Variants in PLCB1 observed in about 807,000 individuals in gnomAD.
The protein encoded by PLCB1 is 1-phosphatidylinositol 4,5-bisphosphate phosphodiesterase beta-1.
A neutral mutation model predicts 161.8 loss-of-function variants in PLCB1; 46 were observed. The observed-to-expected ratio is 0.28, with a 90% CI of 0.22 to 0.36. The LOEUF (loss-of-function observed/expected upper bound fraction) is 0.36. Among genes scored for constraint, PLCB1 ranks in the 10% least tolerant of loss-of-function variants. The probability of loss-of-function intolerance (pLI) is 1.00; values close to 1 mark genes in which losing one functional copy is unlikely to be tolerated. For missense variants in PLCB1, 1,016 were observed against 1,472.5 expected, an observed-to-expected ratio of 0.69 and a Z score of 5.07; for synonymous variants, 517 against 503.7, an observed-to-expected ratio of 1.03 and a Z score of -0.35.
chr20:8,420,899 A>C (rs952335587), intron 3 of PLCB1, among the ~76,000 whole-genome samples: 1 of 152,166 alleles, frequency 6.6e-6, no homozygotes. Flanking sequence ...AGAATTTCTT[A>C]ATCTTACTGG....
At chr20:8,325,458 G>A (rs1052406670) in intron 2 of PLCB1, among the ~76,000 whole-genome samples, 1 of 152,088 alleles carries the variant, frequency 6.6e-6, no homozygotes, top group Non-Finnish European at 1.5e-5. Flanking sequence ...TACTATGATG[G>A]GAATCCTCTG....
At chr20:8,274,104 C>A (rs887793449) in intron 2 of PLCB1, among the ~76,000 whole-genome samples, 2 of 152,032 alleles carry the variant, frequency 1.3e-5, no homozygotes, top group Non-Finnish European at 2.9e-5. Context: ...TCATGAATAA[C>A]CACTGTTAGC....
At chr20:8,881,562 T>C in intron 31 of PLCB1, 60 bp from the exon 32 acceptor site, 3 of 1,216,504 alleles carry the variant, frequency 2.5e-6, no homozygotes, top group Non-Finnish European at 3.6e-6. Context: ...AGAGTTTCTA[T>C]GGGAGTGGGT....
chr20:8,283,868 A>G (rs946699527), intron 2 of PLCB1, among the ~76,000 whole-genome samples: 1 of 152,044 alleles, frequency 6.6e-6, no homozygotes, highest in African/African-American at 2.4e-5. Context: ...TAATTTGTCT[A>G]TCTGGTTTAA....
intron 3 of PLCB1, among the ~76,000 whole-genome samples, chr20:8,575,772 GA>G (rs1353744177): frequency 6.6e-6 from 1 of 152,192 alleles, no homozygotes; most frequent in African/African-American, 2.4e-5. Flanking sequence ...TTTCCGTTTG[GA>G]TTAACATCAC....
intron 24 of PLCB1, among the ~76,000 whole-genome samples, chr20:8,757,957 A>G (rs1424511200): frequency 6.6e-6 from 1 of 152,018 alleles, no homozygotes; most frequent in Non-Finnish European, 1.5e-5. Flanking sequence ...AGCTTTGTGT[A>G]ACTATTCCTT....
At chr20:8,418,947 G>A (rs1370524705) in intron 3 of PLCB1, among the ~76,000 whole-genome samples, 1 of 152,138 alleles carries the variant, frequency 6.6e-6, no homozygotes, top group Non-Finnish European at 1.5e-5. Flanking sequence ...ACAGTCCCAA[G>A]AGAACCATTT....
chr20:8,340,843 G>T (rs1383640823), intron 2 of PLCB1, among the ~76,000 whole-genome samples: 1 of 152,128 alleles, frequency 6.6e-6, no homozygotes, highest in African/African-American at 2.4e-5. Context: ...TGGAGTCTAG[G>T]GTGCCTTTCC....
intron 31 of PLCB1, among the ~76,000 whole-genome samples, chr20:8,829,682 A>G (rs1196006802): frequency 1.3e-5 from 2 of 152,204 alleles, no homozygotes; most frequent in Non-Finnish European, 2.9e-5. Context: ...TGGATTTTTC[A>G]TTGATGTGTC....
At chr20:8,720,237 G>A (rs1568572579) in intron 14 of PLCB1, among the ~76,000 whole-genome samples, 1 of 152,108 alleles carries the variant, frequency 6.6e-6, no homozygotes, top group Admixed American at 6.6e-5. Flanking sequence ...CCAGTTCTCT[G>A]CCTCTTATTA....
intron 3 of PLCB1, among the ~76,000 whole-genome samples, chr20:8,557,555 T>C (rs1986004129): frequency 6.6e-6 from 1 of 151,956 alleles, no homozygotes; most frequent in Non-Finnish European, 1.5e-5. Context: ...TATAAGTAGT[T>C]ATTGTTTAGT....
intron 3 of PLCB1, among the ~76,000 whole-genome samples, chr20:8,522,309 C>G (rs1362671612): frequency 6.6e-6 from 1 of 152,150 alleles, no homozygotes; most frequent in Admixed American, 6.6e-5. Context: ...ATCTCTGTTA[C>G]CTCCCCATCT....
At chr20:8,634,203 A>G (rs1216976210) in intron 4 of PLCB1, among the ~76,000 whole-genome samples, 1 of 152,214 alleles carries the variant, frequency 6.6e-6, no homozygotes, top group African/African-American at 2.4e-5. Flanking sequence ...TTCACACATA[A>G]AAGAAAAATT....
chr20:8,303,386 G>A (rs6140594), intron 2 of PLCB1, among the ~76,000 whole-genome samples: 4,050 of 152,232 alleles, frequency 0.027, 171 homozygotes, highest in East Asian at 0.1. Flanking sequence ...GCTCAGGAGT[G>A]CCACAAAGAT....
intron 25 of PLCB1, among the ~76,000 whole-genome samples, chr20:8,763,038 C>T (rs1982126463): frequency 6.6e-6 from 1 of 152,048 alleles, no homozygotes; most frequent in Non-Finnish European, 1.5e-5. Context: ...AGTTAAGATA[C>T]CATCAGTTGT....
intron 2 of PLCB1, among the ~76,000 whole-genome samples, chr20:8,350,808 A>T (rs1986155970): frequency 6.6e-6 from 1 of 152,222 alleles, no homozygotes; most frequent in Non-Finnish European, 1.5e-5. Context: ...TATATCAAGG[A>T]GCTGTATGTG....
At position 8,555,782 on chromosome 20, in the gene PLCB1, G is replaced by A. The variant is rs8121498; in HGVS notation, c.247-72512G>A. ...GGCTTCATCAAAACATCTGAAAATT[G>A]CTTGACTTGGAGGAGAATAGACTAT... On this transcript the variant is annotated intron_variant, in intron 3 of 31. Transcript: ENST00000338037. Among the ~76,000 whole-genome samples the A allele has an allele frequency of 9.8e-3, 1,495 of 152,152 alleles. 8 individuals are homozygous for A. The highest frequency in any genetic ancestry group is 0.016 in the Non-Finnish European group (1,054 of 67,966).
At chr20:8,539,665 T>C (rs755898415) in intron 3 of PLCB1, among the ~76,000 whole-genome samples, 1 of 94,432 alleles carries the variant, frequency 1.1e-5, no homozygotes, top group East Asian at 2.7e-4. Flanking sequence ...TCTTTCTTTC[T>C]TTCTTTCTTT....
intron 2 of PLCB1, among the ~76,000 whole-genome samples, chr20:8,291,869 T>A (rs1387062272): frequency 2.0e-5 from 3 of 152,194 alleles, no homozygotes; most frequent in Admixed American, 1.3e-4. Context: ...TATTAACTAA[T>A]TTTGACTCAC....
Sources: allele counts gnomAD v4.1 joint callset (sites outside exome capture counted in the v4.1 genomes callset), GRCh38; gene constraint gnomAD v4.1.1; transcripts MANE v1.5; gene names NCBI Gene and HGNC (gene_info 2026-07-23, HGNC 2026-07-21).